Variants in COL3A1 observed in about 807,000 individuals in gnomAD.
The protein encoded by COL3A1 is collagen alpha-1(III) chain.
Under a neutral mutation model 200.9 loss-of-function variants are expected in COL3A1, and 46 were observed. The ratio of observed to expected loss-of-function variants is 0.23; its 90% CI spans 0.18 to 0.29. The LOEUF (loss-of-function observed/expected upper bound fraction) is 0.29, where lower values mean the gene tolerates loss of function less well. Among genes scored for constraint, COL3A1 ranks in the 10% least tolerant of loss-of-function variants. The pLI, the probability that COL3A1 is intolerant of heterozygous loss-of-function variation, is 1.00. For synonymous variants in COL3A1, 650 were observed against 628.0 expected (o/e 1.03, Z -0.52); for missense variants, 1,367 against 1,917.6 (o/e 0.71, Z 5.36).
At chr2:188,981,413 G>T (rs1687950286) in intron 1 of COL3A1, among the ~76,000 whole-genome samples, 1 of 151,396 alleles carries the variant, frequency 6.6e-6, no homozygotes, top group African/African-American at 2.4e-5. Flanking sequence ...AACACCAAAT[G>T]ACATGGGAGA....
chr2:188,980,377 GACAATTCTAAAA>G (rs1687925494), intron 1 of COL3A1, among the ~76,000 whole-genome samples: 1 of 15,786 alleles, frequency 6.3e-5, no homozygotes, highest in Non-Finnish European at 1.2e-4. Flanking sequence ...TAATCTTTTA[GACAATTCTAAAA>G]GATTAATCTT....
chr2:189,011,614 G>A lies in COL3A1; in HGVS notation c.4255-14G>A, dbSNP rs758216726. On this transcript the variant is annotated splice_polypyrimidine_tract_variant and intron_variant, in intron 50 of 50. Transcript: ENST00000304636. ...GTAATGTCATGATCATGTACATTTT[G>A]TCCTTTTTTACAGAAACACACTGGG... 9.9e-6 allele frequency: 16 copies of A among 1,613,820 alleles called. No homozygotes were observed. Among genetic ancestry groups the A allele is most frequent in the South Asian group, 1.1e-5 (1 of 91,082 alleles).
chr2:188,992,610 A>G lies in COL3A1; in HGVS notation c.997-277A>G, dbSNP rs3134655. 0.023 allele frequency among the ~76,000 whole-genome samples: 3,483 copies of G among 152,204 alleles called. 58 individuals are homozygous for G. Among genetic ancestry groups the G allele is most frequent in the Middle Eastern group, 0.075 (22 of 294 alleles). ...AATGGATAAAATAGATGTTACCTCCATTTTGTAGACTGGAGTACAAAAGCC... is the reference window on the plus strand; with the variant it reads ...AATGGATAAAATAGATGTTACCTCCGTTTTGTAGACTGGAGTACAAAAGCC... On this transcript the variant is annotated intron_variant, in intron 14 of 50. Coordinates refer to ENST00000304636, the MANE Select transcript of COL3A1 (RefSeq NM_000090.4).
chr2:189,007,522 ACAAAG>A lies in COL3A1; in HGVS notation c.3279_3283del (p.Asp1093GlufsTer2). ...AAGGGTCCTCAAGGCCCACGTGGTGACAAAGGTGAAACAGGTGAACGTGGAGCTGC... is the reference window on the plus strand; with the variant it reads ...AAGGGTCCTCAAGGCCCACGTGGTGAGTGAAACAGGTGAACGTGGAGCTGC... On this transcript the variant is annotated frameshift_variant, in exon 45 of 51. Transcript: ENST00000304636. LOFTEE classifies it high-confidence loss of function. 6.2e-7 allele frequency: 1 copy of A among 1,613,736 alleles called. No homozygotes were observed. Among genetic ancestry groups the A allele is most frequent in the Non-Finnish European group, 8.5e-7 (1 of 1,179,830 alleles).
chr2:188,990,868 C>A, intron 10 of COL3A1, 136 bp from the exon 11 acceptor site: 1 of 878,046 alleles, frequency 1.1e-6, no homozygotes, highest in Non-Finnish European at 1.9e-6. Flanking sequence ...CCCCTTTAAA[C>A]AAGTTTTAAA....
At chr2:188,998,222 C>T (rs1418325969) in intron 27 of COL3A1, 44 bp from the exon 28 acceptor site, 2 of 1,548,718 alleles carry the variant, frequency 1.3e-6, no homozygotes, top group Non-Finnish European at 8.9e-7. Context: ...TTTCTATAAG[C>T]CATGTTTGAG....
intron 1 of COL3A1, among the ~76,000 whole-genome samples, chr2:188,983,752 A>G (rs1688003842): frequency 6.6e-6 from 1 of 151,986 alleles, no homozygotes; most frequent in South Asian, 2.1e-4. Flanking sequence ...TGAACAGTAC[A>G]TCATTTGTTG....
At chr2:188,975,982 A>G (rs1687803318) in intron 1 of COL3A1, among the ~76,000 whole-genome samples, 1 of 150,122 alleles carries the variant, frequency 6.7e-6, no homozygotes, top group Admixed American at 6.7e-5. Flanking sequence ...TTATGCCTCC[A>G]TTTCTTTTTT....
intron 27 of COL3A1, 82 bp downstream of exon 27, chr2:188,997,835 A>G: frequency 8.1e-7 from 1 of 1,235,102 alleles, no homozygotes; most frequent in Non-Finnish European, 1.2e-6. Flanking sequence ...ATTTATCTGA[A>G]GCTTAACTTG....
intron 1 of COL3A1, among the ~76,000 whole-genome samples, chr2:188,978,396 C>T (rs914463113): frequency 6.6e-6 from 1 of 151,878 alleles, no homozygotes; most frequent in Non-Finnish European, 1.5e-5. Flanking sequence ...CAGGAAAGCC[C>T]CTGTTCTACA....
intron 4 of COL3A1, among the ~76,000 whole-genome samples, chr2:188,986,514 G>T (rs1348449680): frequency 1.3e-5 from 2 of 151,944 alleles, no homozygotes; most frequent in Non-Finnish European, 2.9e-5. Context: ...AAGCTTCAAA[G>T]AAATCTAATA....
In COL3A1 at chr2:189,012,576, G is replaced by A. The variant is rs897139556; in HGVS notation, c.*802G>A. The A allele has an allele frequency of 6.6e-6, 1 of 151,942 alleles. No individual in the cohort carries two copies. Among genetic ancestry groups the A allele is most frequent in the Admixed American group, 6.6e-5 (1 of 15,200 alleles). The allele number at this position is 151,942 out of a possible 1,614,324, so 9.4% of individuals were successfully genotyped here. A position where few individuals can be genotyped will look rare whatever the true frequency, so the allele number is the denominator to read the frequency against. On this transcript the variant is annotated 3_prime_UTR_variant, in exon 51 of 51. Coordinates refer to ENST00000304636, the MANE Select transcript of COL3A1 (RefSeq NM_000090.4). ...GAAAGATTCATTGGCATGCCACAGG[G>A]GATTCTCCTCCTTCATCCTGTAAAG...
Position 188,994,398 on chromosome 2 carries a change from A to G in COL3A1, c.1293+66A>G, listed in dbSNP as rs992591426. ...GTTTAATTCCATCAACAAAAAATTA[A>G]TAGCAAAATTTTGCTCCTGTTCAGT... is the stretch of plus-strand genomic sequence containing the variant. On this transcript the variant is annotated intron_variant, in intron 18 of 50. Transcript: ENST00000304636. The surrounding 1 kb of genome is among the most constrained non-coding windows in gnomAD (Gnocchi z 4.5). 6.2e-7 allele frequency: 1 copy of G among 1,602,492 alleles called. No homozygotes were observed. The highest frequency in any genetic ancestry group is 1.3e-5 in the African/African-American group (1 of 74,682).
At position 188,984,794 on chromosome 2, in the gene COL3A1, C is replaced by G. The variant is rs141241764; in HGVS notation, c.114C>G (p.Ser38=). 6.1e-4 allele frequency: 982 copies of G among 1,613,064 alleles called. 1 individual carries two copies. Among genetic ancestry groups the G allele is most frequent in the Non-Finnish European group, 7.7e-4 (907 of 1,179,314 alleles). The part of the protein sequence containing the change: ...VEGGCSHLGQ[S]YADRDVWKPE... The stretch of plus-strand genomic sequence containing the variant: ...GAGGATGTTCCCATCTTGGTCAGTC[C>G]TATGCGGATAGAGATGTCTGGAAGC... The change falls in exon 2 of 51, where the codon TCC becomes TCG. Residue 38 remains serine (S), a synonymous_variant. Coordinates refer to ENST00000304636, the MANE Select transcript of COL3A1 (RefSeq NM_000090.4).
At chr2:188,977,353 T>A (rs1687842873) in intron 1 of COL3A1, among the ~76,000 whole-genome samples, 1 of 152,148 alleles carries the variant, frequency 6.6e-6, no homozygotes, top group South Asian at 2.1e-4. Flanking sequence ...GGCCTCTAGT[T>A]GTTTTAGAAT....
rs769570404 is a variant in COL3A1, at chr2:188,994,388, CA to C, written c.1293+62del. On this transcript the variant is annotated intron_variant, in intron 18 of 50. Coordinates refer to ENST00000304636, the MANE Select transcript of COL3A1 (RefSeq NM_000090.4). The surrounding 1 kb of genome is among the most constrained non-coding windows in gnomAD (Gnocchi z 4.5). ...GAAAGGTATAGTTTAATTCCATCAA[CA>C]AAAAATTAATAGCAAAATTTTGCTC... 1.9e-6 allele frequency: 3 copies of C among 1,605,138 alleles called. No homozygotes were observed. The highest frequency in any genetic ancestry group is 1.3e-5 in the African/African-American group (1 of 74,712).
Position 188,992,174 on chromosome 2 carries a change from C to T in COL3A1, c.952-10C>T, listed in dbSNP as rs779788228. 6.2e-7 allele frequency: 1 copy of T among 1,613,842 alleles called. No homozygotes were observed. The highest frequency in any genetic ancestry group is 1.1e-5 in the South Asian group (1 of 91,076). ...TTAAAAGGATATTTGATGTAAACTT[C>T]TCTTTTTAGGGTGCTCGGGGTAATG... On this transcript the variant is annotated splice_polypyrimidine_tract_variant and intron_variant, in intron 13 of 50. Transcript: ENST00000304636.
intron 1 of COL3A1, 140 bp downstream of exon 1, chr2:188,974,708 G>T (rs1687771516): frequency 1.4e-6 from 1 of 710,970 alleles, no homozygotes; most frequent in Admixed American, 2.2e-5. Flanking sequence ...ACGTTGAACT[G>T]ACCATGGCTG....
chr2:189,006,412 C>G lies in COL3A1; in HGVS notation c.3161C>G (p.Pro1054Arg). The G allele has an allele frequency of 6.2e-7, 1 of 1,614,122 alleles. No individual in the cohort carries two copies. The highest frequency in any genetic ancestry group is 1.1e-5 in the South Asian group (1 of 91,076). The change falls in exon 43 of 51, where the codon CCT becomes CGT. Residue 1054 changes from proline (P) to arginine (R), a missense_variant. Transcript: ENST00000304636. ...CCTGGTCATCCAGGCCCACCTGGTC[C>G]TGTCGGTCCAGCTGGAAAGAGTGGT... ...GAPGHPGPPG[P>R]VGPAGKSGDR...
Sources: allele counts gnomAD v4.1 joint callset (sites outside exome capture counted in the v4.1 genomes callset), GRCh38; gene constraint gnomAD v4.1.1; non-coding constraint Gnocchi (gnomAD v3.1); transcripts MANE v1.5; gene names NCBI Gene and HGNC (gene_info 2026-07-23, HGNC 2026-07-21).